The following CARS2 variants were observed in gnomAD, a reference collection of about 807,000 sequenced individuals.
CARS2 encodes cysteinyl-tRNA synthetase 2, mitochondrial.
In CARS2, 52 loss-of-function variants were observed where a neutral mutation model predicts 68.8. That is an observed-to-expected ratio of 0.76 (90% CI 0.61 to 0.95). The LOEUF (loss-of-function observed/expected upper bound fraction) is 0.95. Ranked by LOEUF, CARS2 falls within the 40% of genes least tolerant of loss-of-function variation. The pLI is 0.00. For missense variants in CARS2, 780 were observed against 754.2 expected, an observed-to-expected ratio of 1.03 and a Z score of -0.40; for synonymous variants, 314 against 303.6, an observed-to-expected ratio of 1.03 and a Z score of -0.36.
At chr13:110,657,988 A>T (rs1049142121) in intron 9 of CARS2, among the ~76,000 whole-genome samples, 3 of 152,192 alleles carry the variant, frequency 2.0e-5, no homozygotes, top group Admixed American at 6.5e-5. Context: ...TTTAACCCTC[A>T]CTTCCCGTGA....
At chr13:110,700,766 T>A (rs569116895) in intron 3 of CARS2, among the ~76,000 whole-genome samples, 6 of 152,318 alleles carry the variant, frequency 3.9e-5, no homozygotes, top group African/African-American at 1.2e-4. Flanking sequence ...TATGAATACG[T>A]CCAATCAGTG....
intron 14 of CARS2, among the ~76,000 whole-genome samples, 168 bp from the exon 15 acceptor site, chr13:110,641,776 C>T (rs1887339896): frequency 6.6e-6 from 1 of 152,256 alleles, no homozygotes; most frequent in Non-Finnish European, 1.5e-5. Flanking sequence ...AGGCCAGGAG[C>T]TTCAAGGCAC....
At chr13:110,673,349 A>G (rs977592019) in intron 7 of CARS2, among the ~76,000 whole-genome samples, 2 of 152,244 alleles carry the variant, frequency 1.3e-5, no homozygotes, top group African/African-American at 4.8e-5. Context: ...CAGCACATCA[A>G]AAAGCTTATC....
At chr13:110,712,956 T>A in intron 1 of CARS2, 1 of 1,558,712 alleles carries the variant, frequency 6.4e-7, no homozygotes. Context: ...CTGCTGGGAG[T>A]GGTGGTCCGG....
At chr13:110,688,092 C>T (rs948121414) in intron 3 of CARS2, 74 bp from the exon 4 acceptor site, 2 of 1,018,326 alleles carry the variant, frequency 2.0e-6, no homozygotes, top group African/African-American at 1.6e-5. Flanking sequence ...ACAAGAAAGC[C>T]CACGTGCACA....
intron 3 of CARS2, chr13:110,697,811 TA>T: frequency 2.7e-6 from 1 of 372,362 alleles, no homozygotes; most frequent in Non-Finnish European, 5.2e-6. Flanking sequence ...CCAGAAGCAA[TA>T]CAAACAGCAA....
rs952236045 is a variant in CARS2 at position 110,683,256 on chromosome 13, C to T, written c.572-122G>A. On this transcript the variant is annotated intron_variant, in intron 5 of 14. Transcript: ENST00000257347. ...AGAACATAGCATTTGGCCCCATATA[C>T]ATATATAGTATTTATATTTTTATAG... 9 of 553,414 alleles carry T rather than the reference C, an allele frequency of 1.6e-5. No homozygotes were observed. In the African/African-American group the frequency reaches 1.8e-4, roughly 11 times the overall value. The allele number at this position is 553,414 out of a possible 1,614,324, so 34.3% of individuals were successfully genotyped here. A position where few individuals can be genotyped will look rare whatever the true frequency, so the allele number is the denominator to read the frequency against.
At chr13:110,644,658 C>A (rs1887848065) in intron 12 of CARS2, 175 bp from the exon 13 acceptor site, 5 of 1,105,648 alleles carry the variant, frequency 4.5e-6, no homozygotes, top group Admixed American at 2.9e-5. Context: ...GCAGACCATA[C>A]AACTATAGGT....
At chr13:110,678,608 CA>C (rs1210870613) in intron 6 of CARS2, among the ~76,000 whole-genome samples, 45 of 152,206 alleles carry the variant, frequency 3.0e-4, no homozygotes, top group Non-Finnish European at 6.2e-4. Flanking sequence ...TAGTGCATGG[CA>C]AACGAGAGCA....
At chr13:110,691,987 G>GAA (rs36121848) in intron 3 of CARS2, among the ~76,000 whole-genome samples, 2,272 of 76,824 alleles carry the variant, frequency 0.03, 78 homozygotes, top group African/African-American at 0.057. Context: ...AAGCTGTGCA[G>GAA]AAAAAAAAAA....
intron 4 of CARS2, 54 bp downstream of exon 4, chr13:110,687,893 T>C: frequency 6.4e-7 from 1 of 1,563,970 alleles, no homozygotes; most frequent in Non-Finnish European, 8.8e-7. Flanking sequence ...GCACCAGCTG[T>C]CATTGCTCAC....
chr13:110,650,838 C>T (rs1198703987), intron 10 of CARS2, 196 bp downstream of exon 10: 1 of 530,652 alleles, frequency 1.9e-6, no homozygotes, highest in African/African-American at 2.0e-5. Context: ...CCCACATCCA[C>T]TGTGGGCCGG....
At chr13:110,641,952 G>A (rs2139665177) in intron 14 of CARS2, among the ~76,000 whole-genome samples, 1 of 152,290 alleles carries the variant, frequency 6.6e-6, no homozygotes, top group South Asian at 2.1e-4. Flanking sequence ...CTGTAATCCT[G>A]GCACTTTGGG....
At chr13:110,692,813 C>G (rs1470547207) in intron 3 of CARS2, among the ~76,000 whole-genome samples, 1 of 151,588 alleles carries the variant, frequency 6.6e-6, no homozygotes, top group African/African-American at 2.4e-5. Context: ...AACTCTGTCT[C>G]AAAAAAGGAA....
chr13:110,644,147 G>A (rs1305716732), intron 13 of CARS2: 1 of 1,419,406 alleles, frequency 7.0e-7, no homozygotes, highest in African/African-American at 1.4e-5. Context: ...TGCTGAGATG[G>A]ACTCATCTCT....
intron 8 of CARS2, 147 bp from the exon 9 acceptor site, chr13:110,663,665 C>T: frequency 7.1e-7 from 1 of 1,416,830 alleles, no homozygotes; most frequent in Non-Finnish European, 9.2e-7. Context: ...GCCCCCAAAT[C>T]TTCACCCGTG....
chr13:110,642,821 C>G (rs1887575558), intron 13 of CARS2: 1 of 647,584 alleles, frequency 1.5e-6, no homozygotes, highest in Admixed American at 2.1e-5. Flanking sequence ...CACAAACGCT[C>G]CCTGGCTTCC....
intron 10 of CARS2, chr13:110,648,648 C>T (rs1225929936): frequency 6.6e-6 from 1 of 152,230 alleles, no homozygotes; most frequent in Non-Finnish European, 1.5e-5. Context: ...GCAGTCGTGT[C>T]CACTGTGGGG....
chr13:110,667,226 A>G, intron 8 of CARS2, 114 bp downstream of exon 8: 1 of 977,364 alleles, frequency 1.0e-6, no homozygotes, highest in Non-Finnish European at 1.5e-6. Context: ...AGGCAAATCC[A>G]TTTCTTGACC....
Sources: gnomAD v4.1 joint callset for allele counts (sites outside exome capture counted in the v4.1 genomes callset) on GRCh38, gnomAD v4.1.1 for gene constraint, MANE v1.5 for transcripts, NCBI Gene and HGNC (gene_info 2026-07-23, HGNC 2026-07-21) for gene names.